Variants in PIK3C2G observed in about 807,000 individuals in gnomAD.
PIK3C2G encodes phosphatidylinositol-4-phosphate 3-kinase catalytic subunit type 2 gamma.
Under a neutral mutation model 181.1 loss-of-function variants are expected in PIK3C2G, and 168 were observed. The observed-to-expected ratio is 0.93, with a 90% CI of 0.82 to 1.05. The LOEUF (loss-of-function observed/expected upper bound fraction) is 1.05. PIK3C2G is among the 50% of genes least tolerant of loss of function. The pLI is 0.00. For missense variants in PIK3C2G, 1,869 were observed against 1,732.8 expected (o/e 1.08, Z -1.40); for synonymous variants, 573 against 592.2 (o/e 0.97, Z 0.47).
intron 31 of PIK3C2G, among the ~76,000 whole-genome samples, chr12:18,621,543 T>A (rs1478156260): frequency 6.6e-6 from 1 of 151,730 alleles, no homozygotes; most frequent in Non-Finnish European, 1.5e-5. Context: ...ATGTTTTATA[T>A]ATATATGTTA....
At chr12:18,289,934 C>A (rs1418600078) in intron 3 of PIK3C2G, among the ~76,000 whole-genome samples, 2 of 152,044 alleles carry the variant, frequency 1.3e-5, no homozygotes, top group Admixed American at 6.5e-5. Flanking sequence ...TTTTAAATAT[C>A]CACTTGAAAA....
At chr12:18,398,300 G>C (rs775979998) in intron 15 of PIK3C2G, among the ~76,000 whole-genome samples, 6 of 152,080 alleles carry the variant, frequency 3.9e-5, no homozygotes, top group Non-Finnish European at 8.8e-5. Context: ...TTTAATCTGA[G>C]CAAATATGTT....
rs765790511 is a variant in PIK3C2G at position 18,505,327 on chromosome 12, G to A, written c.3189G>A (p.Trp1063Ter). 1.9e-6 allele frequency: 3 copies of A among 1,611,646 alleles called. No individual in the cohort carries two copies. The highest frequency in any genetic ancestry group is 1.7e-6 in the Non-Finnish European group (2 of 1,178,558). ...ACTTTTTCTACTCCTGTGCTGGCTG[G>A]TGTGTGGTAACATTCATCCTGGGAG... Reference protein sequence around the residue: ...LRNFFYSCAGWCVVTFILGVC... With the variant: ...LRNFFYSCAG The change falls in exon 24 of 33, where the codon TGG (tryptophan) becomes TGA (stop). Residue 1063 changes from tryptophan (W) to a stop codon, truncating the protein, a stop_gained. Transcript: ENST00000538779. LOFTEE classifies it high-confidence loss of function.
chr12:18,601,939 C>T (rs1947740587), intron 30 of PIK3C2G, among the ~76,000 whole-genome samples: 1 of 152,018 alleles, frequency 6.6e-6, no homozygotes, highest in African/African-American at 2.4e-5. Flanking sequence ...CACAGGGATC[C>T]ATCAGTGGGG....
At chr12:18,697,588 G>A in the PIK3C2G span, among the ~76,000 whole-genome samples, 16 of 152,204 alleles carry the variant, frequency 1.1e-4, no homozygotes, top group South Asian at 3.3e-3. Flanking sequence ...CATGTTTACT[G>A]TAAAATAGGA....
chr12:18,699,782 A>G, the PIK3C2G span: 6 of 1,610,812 alleles, frequency 3.7e-6, no homozygotes, highest in East Asian at 1.3e-4. Context: ...TATTTGAGTC[A>G]CAAAAATTTA....
intron 31 of PIK3C2G, among the ~76,000 whole-genome samples, chr12:18,636,876 A>G (rs530801831): frequency 4.1e-4 from 62 of 152,218 alleles, no homozygotes; most frequent in South Asian, 1.0e-3. Flanking sequence ...CTCCCACTTC[A>G]CCTTTTTCAC....
chr12:18,347,369 G>A (rs1029789504), intron 11 of PIK3C2G, among the ~76,000 whole-genome samples: 1 of 152,096 alleles, frequency 6.6e-6, no homozygotes, highest in Non-Finnish European at 1.5e-5. Flanking sequence ...CAGATTTTAA[G>A]TTGACTCTGT....
intron 5 of PIK3C2G, among the ~76,000 whole-genome samples, chr12:18,305,472 T>C (rs1248844659): frequency 6.6e-6 from 1 of 152,162 alleles, no homozygotes; most frequent in African/African-American, 2.4e-5. Flanking sequence ...TTAATATTAT[T>C]GTAGATGTAT....
intron 5 of PIK3C2G, 76 bp from the exon 6 acceptor site, chr12:18,313,886 A>C: frequency 3.8e-6 from 3 of 790,880 alleles, no homozygotes; most frequent in Non-Finnish European, 6.3e-6. Context: ...ATAAAAGAAA[A>C]TGAAGTCAGA....
chr12:18,561,637 T>C (rs973232422), intron 26 of PIK3C2G, among the ~76,000 whole-genome samples: 7 of 152,054 alleles, frequency 4.6e-5, no homozygotes, highest in Non-Finnish European at 7.4e-5. Flanking sequence ...AGCTATTAGC[T>C]GATTTCAATA....
At chr12:18,641,401 C>T (rs1002869277) in intron 32 of PIK3C2G, among the ~76,000 whole-genome samples, 1 of 152,166 alleles carries the variant, frequency 6.6e-6, no homozygotes, top group Non-Finnish European at 1.5e-5. Context: ...CTCAGGCTCT[C>T]GTGCCTGGAT....
intron 24 of PIK3C2G, among the ~76,000 whole-genome samples, chr12:18,511,586 T>G (rs1942209935): frequency 6.6e-6 from 1 of 152,124 alleles, no homozygotes; most frequent in Non-Finnish European, 1.5e-5. Context: ...GCCTAACAGT[T>G]TATGTACTTA....
chr12:18,286,880 C>T lies in PIK3C2G; in HGVS notation c.712C>T (p.Pro238Ser). The T allele has an allele frequency of 6.4e-7, 1 of 1,573,208 alleles. No homozygotes were observed. The highest frequency in any genetic ancestry group is 8.6e-7 in the Non-Finnish European group (1 of 1,157,942). ...IGCSIQLVEVPQSSNTSLASF... is the reference protein window; with the variant it reads ...IGCSIQLVEVSQSSNTSLASF... ...TTGTTCCATTCAGCTAGTGGAAGTACCTCAAAGCAGCAATACGAGTCTGGC... is the reference window on the plus strand; with the variant it reads ...TTGTTCCATTCAGCTAGTGGAAGTATCTCAAAGCAGCAATACGAGTCTGGC... Residue 238 changes from proline (P) to serine (S), a missense_variant, in exon 3 of 33, where the codon CCT (proline) becomes TCT (serine). Physicochemically the swap from Pro to Ser is moderately conservative, Grantham distance 74. Transcript: ENST00000538779.
chr12:18,476,326 T>C (rs938370547), intron 18 of PIK3C2G, among the ~76,000 whole-genome samples: 3 of 152,160 alleles, frequency 2.0e-5, no homozygotes, highest in East Asian at 1.9e-4. Context: ...CCAAGGGTAG[T>C]ACTTTATGTT....
At chr12:18,517,009 T>C (rs1229407644) in intron 24 of PIK3C2G, among the ~76,000 whole-genome samples, 2 of 151,412 alleles carry the variant, frequency 1.3e-5, no homozygotes, top group Non-Finnish European at 2.9e-5. Context: ...GTTGTTTTTC[T>C]TTTTTCTTTG....
Position 18,252,725 on chromosome 12 carries a change from C to A in PIK3C2G, c.-79+4643C>A, listed in dbSNP as rs76551235. Among the ~76,000 whole-genome samples the A allele has an allele frequency of 1.5e-4, 23 of 152,264 alleles. No individual in the cohort carries two copies. The East Asian group carries it at 4.3e-3, about 28-fold the overall frequency. ...CTTCAGAAACATATACATTTCTTTT[C>A]TCTATGTATGAGGAGGGTACCTCTC... On this transcript the variant is annotated intron_variant, in intron 1 of 11. Coordinates refer to the PIK3C2G transcript ENST00000535651.
intron 1 of PIK3C2G, among the ~76,000 whole-genome samples, chr12:18,277,893 A>C (rs58079732): frequency 0.014 from 2,133 of 152,150 alleles, 47 homozygotes; most frequent in African/African-American, 0.048. Context: ...ACCTCTTGCA[A>C]GTTTAACTGA....
chr12:18,497,770 C>T (rs540125156), intron 22 of PIK3C2G, 22 bp downstream of exon 22: 67 of 1,539,068 alleles, frequency 4.4e-5, no homozygotes, highest in Middle Eastern at 1.7e-4. Flanking sequence ...TTAGAAAGTG[C>T]GCTGGCTCAC....
Sources: allele counts gnomAD v4.1 joint callset (sites outside exome capture counted in the v4.1 genomes callset), GRCh38; gene constraint gnomAD v4.1.1; transcripts MANE v1.5; gene names NCBI Gene and HGNC (gene_info 2026-07-23, HGNC 2026-07-21).